RHOA: variants seen among roughly 807,000 people sequenced by gnomAD.
RHOA encodes the protein ras homolog family member A.
Under a neutral mutation model 17.5 loss-of-function variants are expected in RHOA, and 3 were observed. The observed-to-expected ratio is 0.17, with a 90% confidence interval of 0.08 to 0.44. The LOEUF is 0.44. Ranked by LOEUF, RHOA falls within the 20% of genes least tolerant of loss-of-function variation. The pLI, the probability that RHOA is intolerant of heterozygous loss-of-function variation, is 0.99. For synonymous variants in RHOA, 98 were observed against 88.4 expected, an observed-to-expected ratio of 1.11 and a Z score of -0.61; for missense variants, 56 against 242.3, an observed-to-expected ratio of 0.23 and a Z score of 5.10.
intron 1 of RHOA, among the ~76,000 whole-genome samples, chr3:49,377,983 T>C (rs1413500873): frequency 6.6e-6 from 1 of 151,558 alleles, no homozygotes; most frequent in Non-Finnish European, 1.5e-5. Context: ...ACCCCGTTTC[T>C]ACAAAAAATT....
At chr3:49,374,688 C>T (rs184517916) in intron 2 of RHOA, among the ~76,000 whole-genome samples, 2 of 152,078 alleles carry the variant, frequency 1.3e-5, no homozygotes, top group Admixed American at 1.3e-4. Context: ...TACCACTGCA[C>T]TCCAGCCTGG....
intron 1 of RHOA, among the ~76,000 whole-genome samples, chr3:49,408,480 AGAAC>A (rs2048877343): frequency 6.6e-6 from 1 of 152,258 alleles, no homozygotes; most frequent in Admixed American, 6.5e-5. Flanking sequence ...ACCAACACCC[AGAAC>A]GAGCAGCTTC....
intron 1 of RHOA, among the ~76,000 whole-genome samples, chr3:49,393,664 CA>C (rs111334582): frequency 0.98 from 125,214 of 127,802 alleles, 61,460 homozygotes; most frequent in Middle Eastern, 1. Context: ...TCCCTTGTCT[CA>C]AATTCTCTCT....
At chr3:49,405,399 C>T (rs541617228) in intron 1 of RHOA, among the ~76,000 whole-genome samples, 1 of 152,156 alleles carries the variant, frequency 6.6e-6, no homozygotes, top group South Asian at 2.1e-4. Context: ...CCATTGCACT[C>T]CAGCCTGGGC....
chr3:49,379,155 G>A (rs2048278456), intron 1 of RHOA, among the ~76,000 whole-genome samples: 1 of 151,976 alleles, frequency 6.6e-6, no homozygotes. Flanking sequence ...TCCAACAACT[G>A]ATGAATATAA....
intron 1 of RHOA, among the ~76,000 whole-genome samples, chr3:49,392,593 G>T (rs1329591574): frequency 2.0e-5 from 3 of 152,152 alleles, no homozygotes; most frequent in Admixed American, 1.3e-4. Flanking sequence ...TCATCTGCCT[G>T]CCTCAGCCTT....
rs2107829764 is a variant in RHOA at position 49,362,477 on chromosome 3, G to A, written c.408+19C>T. ...CCTAGTTCAAGAATACTACAAGACA[G>A]TCCTGCCCCAGATCATGCCTGCTTC... On this transcript the variant is annotated intron_variant, in intron 4 of 4. Coordinates refer to ENST00000418115, the MANE Select transcript of RHOA (RefSeq NM_001664.4). 6.2e-7 allele frequency: 1 copy of A among 1,602,034 alleles called. No homozygotes were observed.
intron 3 of RHOA, chr3:49,364,995 A>G (rs2048031596): frequency 6.6e-6 from 1 of 152,164 alleles, no homozygotes; most frequent in African/African-American, 2.4e-5. Flanking sequence ...AAAAATAAAT[A>G]AAACAAAACA....
chr3:49,397,027 G>A (rs1275658658), intron 1 of RHOA, among the ~76,000 whole-genome samples: 1 of 151,802 alleles, frequency 6.6e-6, no homozygotes, highest in Non-Finnish European at 1.5e-5. Flanking sequence ...CTACTCTGCA[G>A]GCTGAGGTGG....
At chr3:49,396,886 T>C (rs767761183) in intron 1 of RHOA, among the ~76,000 whole-genome samples, 1 of 151,688 alleles carries the variant, frequency 6.6e-6, no homozygotes, top group Non-Finnish European at 1.5e-5. Flanking sequence ...TCCCAGCACT[T>C]TGGGAGGCTG....
intron 1 of RHOA, among the ~76,000 whole-genome samples, chr3:49,391,956 T>C (rs1484260822): frequency 6.7e-6 from 1 of 149,964 alleles, no homozygotes; most frequent in Non-Finnish European, 1.5e-5. Context: ...GCCTCCCAAG[T>C]AGCTGGGATT....
At chr3:49,368,037 G>C (rs558502535) in intron 3 of RHOA, among the ~76,000 whole-genome samples, 1 of 151,912 alleles carries the variant, frequency 6.6e-6, no homozygotes, top group Non-Finnish European at 1.5e-5. Flanking sequence ...AGCCTCCCAA[G>C]TACCTGGGAC....
At chr3:49,368,671 A>T in intron 2 of RHOA, 123 bp from the exon 3 acceptor site, 2 of 963,754 alleles carry the variant, frequency 2.1e-6, no homozygotes, top group Non-Finnish European at 3.2e-6. Flanking sequence ...GGTCTAAAAC[A>T]GTAAAACACA....
chr3:49,364,762 A>G (rs1394465813), intron 3 of RHOA, among the ~76,000 whole-genome samples: 1 of 152,088 alleles, frequency 6.6e-6, no homozygotes, highest in African/African-American at 2.4e-5. Flanking sequence ...CAGGTGGATC[A>G]GGAGTTTGAG....
intron 3 of RHOA, among the ~76,000 whole-genome samples, chr3:49,362,894 A>G (rs2047993550): frequency 1.3e-5 from 2 of 152,286 alleles, no homozygotes; most frequent in South Asian, 2.1e-4. Context: ...GGAGGAGCAA[A>G]AGATCCACAA....
intron 1 of RHOA, among the ~76,000 whole-genome samples, chr3:49,390,184 G>A (rs949820998): frequency 6.6e-6 from 1 of 151,590 alleles, no homozygotes; most frequent in African/African-American, 2.4e-5. Context: ...ACCCAGGCTG[G>A]AATGCAGTGG....
At chr3:49,391,859 G>A (rs916535538) in intron 1 of RHOA, among the ~76,000 whole-genome samples, 3 of 115,864 alleles carry the variant, frequency 2.6e-5, no homozygotes, top group African/African-American at 6.6e-5. Flanking sequence ...ACAGCGTTTC[G>A]ATCTTGTCCC....
chr3:49,375,854 CTTTTT>C (rs979542555), intron 1 of RHOA, among the ~76,000 whole-genome samples: 1 of 147,998 alleles, frequency 6.8e-6, no homozygotes, highest in South Asian at 2.1e-4. Context: ...CTTGCCACTT[CTTTTT>C]TTTTTTGAGA....
intron 1 of RHOA, among the ~76,000 whole-genome samples, chr3:49,390,517 G>T (rs1003133217): frequency 6.6e-6 from 1 of 152,026 alleles, no homozygotes; most frequent in African/African-American, 2.4e-5. Flanking sequence ...GCCTGCCTTG[G>T]CCTCTCAAAG....
Sources: gnomAD v4.1 joint callset for allele counts (sites outside exome capture counted in the v4.1 genomes callset) on GRCh38, gnomAD v4.1.1 for gene constraint, MANE v1.5 for transcripts, NCBI Gene and HGNC (gene_info 2026-07-23, HGNC 2026-07-21) for gene names.